The following HPSE2 variants were observed in gnomAD, a reference collection of about 807,000 sequenced individuals.
HPSE2 encodes heparanase 2 (inactive).
Under a neutral mutation model 60.5 loss-of-function variants are expected in HPSE2, and 38 were observed. That is an observed-to-expected ratio of 0.63 (90% CI 0.48 to 0.82). The LOEUF is 0.82. HPSE2 is among the 40% of genes least tolerant of loss of function. HPSE2 has a pLI of 0.00. For synonymous variants in HPSE2, 295 were observed against 293.2 expected (o/e 1.01, Z -0.06); for missense variants, 713 against 740.4 (o/e 0.96, Z 0.43).
At chr10:99,111,419 T>C (rs1844453322) in intron 3 of HPSE2, among the ~76,000 whole-genome samples, 1 of 152,176 alleles carries the variant, frequency 6.6e-6, no homozygotes, top group Admixed American at 6.5e-5. Context: ...CACCTCTGCA[T>C]AGTTCAAGTT....
At chr10:99,292,667 T>C in the HPSE2 span, among the ~76,000 whole-genome samples, 1 of 152,210 alleles carries the variant, frequency 6.6e-6, no homozygotes. Context: ...TTTAATAATA[T>C]ATTTTATTTA....
At chr10:99,104,900 C>G (rs1844174209) in intron 3 of HPSE2, among the ~76,000 whole-genome samples, 1 of 151,682 alleles carries the variant, frequency 6.6e-6, no homozygotes, top group African/African-American at 2.4e-5. Context: ...CATCACACAC[C>G]GGGGCCTGTC....
chr10:99,242,038 A>C, the HPSE2 span, among the ~76,000 whole-genome samples: 1 of 152,198 alleles, frequency 6.6e-6, no homozygotes, highest in Non-Finnish European at 1.5e-5. Flanking sequence ...AAATTAGAGT[A>C]GGTTTTATAT....
intron 2 of HPSE2, among the ~76,000 whole-genome samples, chr10:99,193,026 C>T (rs993540915): frequency 6.6e-6 from 1 of 152,088 alleles, no homozygotes; most frequent in Non-Finnish European, 1.5e-5. Flanking sequence ...ATATAAACTA[C>T]TCATATCTTG....
At chr10:99,135,485 G>T (rs1311400408) in intron 3 of HPSE2, among the ~76,000 whole-genome samples, 1 of 152,122 alleles carries the variant, frequency 6.6e-6, no homozygotes, top group East Asian at 1.9e-4. Flanking sequence ...AGATGCAAAA[G>T]AACAGAAATC....
At chr10:98,812,840 C>T (rs140619393) in intron 3 of HPSE2, among the ~76,000 whole-genome samples, 17 of 152,114 alleles carry the variant, frequency 1.1e-4, no homozygotes, top group Middle Eastern at 3.4e-3. Context: ...AGCTTTTTTA[C>T]AATAAATTAA....
At position 98,692,876 on chromosome 10, in the gene HPSE2, T is replaced by C. The variant is rs72840569; in HGVS notation, c.1004+1024A>G. 6.8e-3 allele frequency among the ~76,000 whole-genome samples: 1,041 copies of C among 152,342 alleles called. 8 individuals are homozygous for C. The highest frequency in any genetic ancestry group is 0.027 in the South Asian group (132 of 4,832). On this transcript the variant is annotated intron_variant, in intron 6 of 11. Coordinates refer to ENST00000370552, the MANE Select transcript of HPSE2 (RefSeq NM_021828.5). The stretch of plus-strand genomic sequence containing the variant: ...TAAATGTAGACTGAAATATTTCCCA[T>C]TATGATTGAAGTTATTGATTGCCAG...
At chr10:98,805,758 T>C (rs1387634684) in intron 3 of HPSE2, among the ~76,000 whole-genome samples, 1 of 152,148 alleles carries the variant, frequency 6.6e-6, no homozygotes, top group East Asian at 1.9e-4. Context: ...AAGAAATTGT[T>C]GATCATTTAT....
At chr10:98,746,064 T>C (rs1336769290) in intron 3 of HPSE2, among the ~76,000 whole-genome samples, 1 of 152,036 alleles carries the variant, frequency 6.6e-6, no homozygotes, top group African/African-American at 2.4e-5. Flanking sequence ...AGGACAGAAA[T>C]TGTCTCATTT....
At chr10:99,098,139 G>T (rs1239843095) in intron 3 of HPSE2, among the ~76,000 whole-genome samples, 1 of 152,128 alleles carries the variant, frequency 6.6e-6, no homozygotes, top group Non-Finnish European at 1.5e-5. Context: ...GGGTTCCACA[G>T]ATTTCAATCC....
At chr10:99,173,672 G>A (rs187245983) in intron 2 of HPSE2, among the ~76,000 whole-genome samples, 3 of 152,194 alleles carry the variant, frequency 2.0e-5, no homozygotes, top group Middle Eastern at 3.4e-3. Flanking sequence ...GGCCAGGCGC[G>A]GTGGCTCAAG....
intron 6 of HPSE2, among the ~76,000 whole-genome samples, chr10:98,656,922 C>T (rs1000864540): frequency 2.0e-5 from 3 of 152,004 alleles, no homozygotes; most frequent in Non-Finnish European, 2.9e-5. Context: ...CCACCACATC[C>T]GGCTAATTTT....
At chr10:98,871,342 G>A (rs894275565) in intron 3 of HPSE2, among the ~76,000 whole-genome samples, 9 of 151,580 alleles carry the variant, frequency 5.9e-5, no homozygotes, top group Non-Finnish European at 1.2e-4. Flanking sequence ...CACCCAAATG[G>A]GTCCTTACCC....
intron 9 of HPSE2, among the ~76,000 whole-genome samples, chr10:98,586,973 T>C (rs949560678): frequency 3.0e-4 from 45 of 152,248 alleles, no homozygotes; most frequent in African/African-American, 1.1e-3. Flanking sequence ...GTAAACTTCC[T>C]GTCTTCTTAA....
chr10:99,262,366 A>C, the HPSE2 span, among the ~76,000 whole-genome samples: 1 of 152,052 alleles, frequency 6.6e-6, no homozygotes, highest in Admixed American at 6.6e-5. Context: ...CATTTTAACT[A>C]AATTATCTGC....
intron 3 of HPSE2, among the ~76,000 whole-genome samples, chr10:98,822,627 C>T (rs766452880): frequency 8.5e-5 from 13 of 152,086 alleles, no homozygotes; most frequent in Non-Finnish European, 1.9e-4. Context: ...AAGACAAAGA[C>T]TGTCAGCTAA....
intron 9 of HPSE2, among the ~76,000 whole-genome samples, chr10:98,551,492 C>T (rs1448983652): frequency 2.0e-5 from 3 of 152,224 alleles, no homozygotes; most frequent in Non-Finnish European, 2.9e-5. Context: ...AAAGATGCCC[C>T]GCCCTCCCAC....
chr10:98,660,506 C>T (rs182856554), intron 6 of HPSE2, among the ~76,000 whole-genome samples: 28 of 152,254 alleles, frequency 1.8e-4, no homozygotes, highest in East Asian at 7.7e-4. Context: ...CTATTAAAAA[C>T]GTAGATTTTA....
intron 9 of HPSE2, among the ~76,000 whole-genome samples, chr10:98,607,048 T>C (rs1945610518): frequency 6.6e-6 from 1 of 150,952 alleles, no homozygotes; most frequent in Admixed American, 6.6e-5. Context: ...TTCCTTTCTT[T>C]TTCTTTCTCC....
Sources: allele counts gnomAD v4.1 joint callset (sites outside exome capture counted in the v4.1 genomes callset), GRCh38; gene constraint gnomAD v4.1.1; transcripts MANE v1.5; gene names NCBI Gene and HGNC (gene_info 2026-07-23, HGNC 2026-07-21).